Variants in SLC8A1 observed in about 807,000 individuals in gnomAD.
SLC8A1 encodes solute carrier family 8 member A1, also known as sodium/calcium exchanger 1.
A neutral mutation model predicts 68.3 loss-of-function variants in SLC8A1; 18 were observed. That is an observed-to-expected ratio of 0.26 (90% CI 0.18 to 0.39). The LOEUF (loss-of-function observed/expected upper bound fraction) is 0.39, where lower values mean the gene tolerates loss of function less well. SLC8A1 is among the 10% of genes least tolerant of loss of function. The pLI, the probability that SLC8A1 is intolerant of heterozygous loss-of-function variation, is 1.00. For missense variants in SLC8A1, 985 were observed against 1,156.7 expected (o/e 0.85, Z 2.15); for synonymous variants, 475 against 415.5 (o/e 1.14, Z -1.74).
intron 1 of SLC8A1, among the ~76,000 whole-genome samples, chr2:40,477,838 CTTAG>C (rs775620496): frequency 6.6e-6 from 1 of 152,104 alleles, no homozygotes; most frequent in Non-Finnish European, 1.5e-5. Context: ...CCAGCCACCT[CTTAG>C]TTAGCATAGC....
intron 2 of SLC8A1, among the ~76,000 whole-genome samples, chr2:40,208,184 GCC>G (rs1231557521): frequency 6.6e-6 from 1 of 152,108 alleles, no homozygotes; most frequent in Non-Finnish European, 1.5e-5. Context: ...CTCAAATTAT[GCC>G]TCAGTCCAGT....
chr2:40,384,512 C>G (rs144418246), intron 2 of SLC8A1, among the ~76,000 whole-genome samples: 1 of 151,958 alleles, frequency 6.6e-6, no homozygotes, highest in Non-Finnish European at 1.5e-5. Flanking sequence ...CATCATCATT[C>G]AAAAAGAACA....
At chr2:40,348,131 A>AT (rs1331973074) in intron 2 of SLC8A1, among the ~76,000 whole-genome samples, 1 of 152,140 alleles carries the variant, frequency 6.6e-6, no homozygotes, top group Non-Finnish European at 1.5e-5. Flanking sequence ...AAGGGCTGGA[A>AT]GACGGCGTGG....
chr2:40,210,048 T>A (rs1304201245), intron 2 of SLC8A1: 3 of 152,208 alleles, frequency 2.0e-5, no homozygotes, highest in Admixed American at 2.0e-4. Context: ...TATTTGCTAG[T>A]TCTAATCTAA....
intron 2 of SLC8A1, among the ~76,000 whole-genome samples, chr2:40,223,907 T>C (rs1031976320): frequency 3.9e-5 from 6 of 152,142 alleles, no homozygotes; most frequent in Non-Finnish European, 5.9e-5. Context: ...TTGGAGAGGA[T>C]GAGCAAGAGG....
chr2:40,249,641 T>G (rs112132353), intron 2 of SLC8A1, among the ~76,000 whole-genome samples: 53 of 151,964 alleles, frequency 3.5e-4, no homozygotes, highest in African/African-American at 1.2e-3. Context: ...CTTTGTTTTT[T>G]GTAAATTGTA....
chr2:40,484,081 C>G (rs1704803152), intron 1 of SLC8A1, among the ~76,000 whole-genome samples: 1 of 152,150 alleles, frequency 6.6e-6, no homozygotes, highest in Non-Finnish European at 1.5e-5. Context: ...ATAACTGTGA[C>G]TAATATAACA....
In SLC8A1 at chr2:40,387,774, C is replaced by T. The variant is rs182949970; in HGVS notation, c.1808+40699G>A. On this transcript the variant is annotated intron_variant, in intron 2 of 7. Transcript: ENST00000406785. The stretch of plus-strand genomic sequence containing the variant: ...CCAACATGGTGAAACCCTGTCTCTA[C>T]TAAAAACACAAAAATTAGCGGGTGT... 2.0e-5 allele frequency among the ~76,000 whole-genome samples: 3 copies of T among 151,578 alleles called. 1 individual carries two copies. The highest frequency in any genetic ancestry group is 7.3e-5 in the African/African-American group (3 of 41,224).
At chr2:40,214,448 TTTC>T (rs1355328819) in intron 2 of SLC8A1, among the ~76,000 whole-genome samples, 1 of 151,718 alleles carries the variant, frequency 6.6e-6, no homozygotes, top group Non-Finnish European at 1.5e-5. Context: ...TTTTTTTTTT[TTTC>T]CTCTTTTCTG....
intron 5 of SLC8A1, among the ~76,000 whole-genome samples, chr2:40,161,844 G>A (rs2045741654): frequency 6.6e-6 from 1 of 152,138 alleles, no homozygotes; most frequent in Admixed American, 6.6e-5. Context: ...TTGCAAAGAG[G>A]CAGAAAACAC....
intron 2 of SLC8A1, among the ~76,000 whole-genome samples, chr2:40,380,192 T>A (rs1681285342): frequency 1.3e-5 from 2 of 152,150 alleles, no homozygotes; most frequent in African/African-American, 4.8e-5. Context: ...TCATTTTCCA[T>A]ATGATAAAGC....
At chr2:40,183,961 G>C (rs951362194) in intron 2 of SLC8A1, among the ~76,000 whole-genome samples, 54 of 152,038 alleles carry the variant, frequency 3.6e-4, no homozygotes, top group African/African-American at 1.3e-3. Context: ...TTTTAGAGCA[G>C]CCTGGGCAAC....
At chr2:40,330,621 G>T (rs189262308) in intron 2 of SLC8A1, among the ~76,000 whole-genome samples, 1 of 152,144 alleles carries the variant, frequency 6.6e-6, no homozygotes, top group African/African-American at 2.4e-5. Flanking sequence ...CTATTATAAA[G>T]AGAGGTAATT....
intron 2 of SLC8A1, among the ~76,000 whole-genome samples, chr2:40,200,727 C>T (rs1013403142): frequency 6.6e-6 from 1 of 151,714 alleles, no homozygotes; most frequent in Non-Finnish European, 1.5e-5. Flanking sequence ...GTCACCATAA[C>T]TCTTAAACTA....
intron 2 of SLC8A1, among the ~76,000 whole-genome samples, chr2:40,216,157 C>A (rs1558793783): frequency 6.6e-6 from 1 of 151,394 alleles, no homozygotes; most frequent in Non-Finnish European, 1.5e-5. Flanking sequence ...CTCCCCTCAA[C>A]ACCCACCCAC....
chr2:40,373,216 T>G (rs1252726165), intron 2 of SLC8A1, among the ~76,000 whole-genome samples: 2 of 152,100 alleles, frequency 1.3e-5, no homozygotes, highest in East Asian at 3.9e-4. Context: ...GAATGTCAAT[T>G]GCAAAATTAA....
intron 2 of SLC8A1, among the ~76,000 whole-genome samples, chr2:40,317,376 T>G (rs2149327786): frequency 6.6e-6 from 1 of 152,186 alleles, no homozygotes; most frequent in Middle Eastern, 3.4e-3. Context: ...AATAGTTGTT[T>G]TGGTTTAAGC....
rs149384710 is a variant in SLC8A1, at chr2:40,132,809, C to T, written c.2437+6592G>A. 9.5e-3 allele frequency among the ~76,000 whole-genome samples: 1,451 copies of T among 152,174 alleles called. 33 individuals are homozygous for T. The highest frequency in any genetic ancestry group is 0.033 in the African/African-American group (1,379 of 41,534). ...AAAATCAGTTCACATCACTTAATGA[C>T]ATAACCTAAGTAAGATAATAGATAA... On this transcript the variant is annotated intron_variant, in intron 7 of 7. Transcript: ENST00000406785.
At chr2:40,152,909 C>G (rs950211348) in intron 6 of SLC8A1, among the ~76,000 whole-genome samples, 1 of 148,976 alleles carries the variant, frequency 6.7e-6, no homozygotes, top group Non-Finnish European at 1.5e-5. Flanking sequence ...GTACAGTGAG[C>G]TATGACATGC....
Sources: allele counts gnomAD v4.1 joint callset (sites outside exome capture counted in the v4.1 genomes callset), GRCh38; gene constraint gnomAD v4.1.1; transcripts MANE v1.5; gene names NCBI Gene and HGNC (gene_info 2026-07-23, HGNC 2026-07-21).